Variants in CSMD1 observed in about 807,000 individuals in gnomAD.
CSMD1 encodes CUB and sushi domain-containing protein 1.
A neutral mutation model predicts 417.5 loss-of-function variants in CSMD1; 213 were observed. The ratio of observed to expected loss-of-function variants is 0.51; its 90% CI spans 0.46 to 0.57. The LOEUF is 0.57. CSMD1 is among the 20% of genes least tolerant of loss of function. CSMD1 has a pLI of 0.00. For missense variants in CSMD1, 6,923 were observed against 4,529.7 expected, an observed-to-expected ratio of 1.53 and a Z score of -15.17; for synonymous variants, 2,862 against 1,736.8, an observed-to-expected ratio of 1.65 and a Z score of -16.11.
intron 2 of CSMD1, among the ~76,000 whole-genome samples, chr8:4,479,648 C>T (rs780953542): frequency 6.6e-6 from 1 of 152,136 alleles, no homozygotes; most frequent in Admixed American, 6.5e-5. Flanking sequence ...GTAATCCCAG[C>T]ACTTTGGGAG....
chr8:3,514,992 T>G (rs928405175), intron 10 of CSMD1, among the ~76,000 whole-genome samples: 1 of 152,202 alleles, frequency 6.6e-6, no homozygotes, highest in Admixed American at 6.5e-5. Flanking sequence ...AAACAACATT[T>G]TATACTGAAA....
intron 3 of CSMD1, among the ~76,000 whole-genome samples, chr8:4,158,511 C>T (rs528327987): frequency 6.6e-6 from 1 of 152,122 alleles, no homozygotes; most frequent in South Asian, 2.1e-4. Flanking sequence ...ATTGGAAAAA[C>T]TCCCAAAGAA....
intron 1 of CSMD1, chr8:4,788,150 C>A: frequency 2.5e-6 from 4 of 1,600,030 alleles, no homozygotes; most frequent in Non-Finnish European, 3.4e-6. Flanking sequence ...ATCTTGGTCA[C>A]TGTGAAAAAA....
chr8:4,434,482 G>A (rs148050496), intron 2 of CSMD1, among the ~76,000 whole-genome samples: 1 of 152,126 alleles, frequency 6.6e-6, no homozygotes, highest in Non-Finnish European at 1.5e-5. Flanking sequence ...TCTAACAGAA[G>A]GAAAGAAACA....
chr8:3,360,038 G>C (rs34838780), intron 20 of CSMD1, among the ~76,000 whole-genome samples: 3,291 of 152,240 alleles, frequency 0.022, 47 homozygotes, highest in Middle Eastern at 0.068. Context: ...ACTAACGCAT[G>C]AAGCATAACA....
chr8:3,756,667 T>C (rs115774200), intron 5 of CSMD1, among the ~76,000 whole-genome samples: 2,395 of 152,332 alleles, frequency 0.016, 25 homozygotes, highest in South Asian at 0.029. Context: ...GATCAGCGAA[T>C]GTAGGAAGCT....
intron 30 of CSMD1, among the ~76,000 whole-genome samples, chr8:3,208,833 C>T (rs758193394): frequency 1.3e-5 from 2 of 152,156 alleles, no homozygotes; most frequent in Non-Finnish European, 2.9e-5. Flanking sequence ...ATGCTTCTTG[C>T]CCCTGAACGT....
chr8:4,593,353 A>C (rs944346594), intron 2 of CSMD1, among the ~76,000 whole-genome samples: 2 of 152,168 alleles, frequency 1.3e-5, no homozygotes, highest in African/African-American at 4.8e-5. Context: ...AATCCTTGTT[A>C]TTGTCATGAT....
At chr8:3,574,009 G>T (rs891037033) in intron 10 of CSMD1, among the ~76,000 whole-genome samples, 2 of 151,936 alleles carry the variant, frequency 1.3e-5, no homozygotes, top group African/African-American at 4.8e-5. Context: ...ATGATTATGA[G>T]TATGATTTCT....
intron 26 of CSMD1, among the ~76,000 whole-genome samples, chr8:3,244,609 C>A (rs1799760162): frequency 6.6e-6 from 1 of 152,114 alleles, no homozygotes; most frequent in African/African-American, 2.4e-5. Context: ...ACGTTGAACC[C>A]AAGGCAGGAC....
intron 5 of CSMD1, among the ~76,000 whole-genome samples, chr8:3,942,763 T>C (rs894789965): frequency 6.6e-6 from 1 of 152,230 alleles, no homozygotes; most frequent in Non-Finnish European, 1.5e-5. Flanking sequence ...TCTGTATTTA[T>C]TACTGGTTAT....
intron 3 of CSMD1, among the ~76,000 whole-genome samples, chr8:4,144,535 C>G (rs753152468): frequency 6.6e-6 from 1 of 151,068 alleles, no homozygotes; most frequent in Non-Finnish European, 1.5e-5. Context: ...CCCCTTCCCT[C>G]CAGAATCTGG....
chr8:4,673,740 G>A (rs906865426), intron 1 of CSMD1, among the ~76,000 whole-genome samples: 1 of 152,164 alleles, frequency 6.6e-6, no homozygotes, highest in Non-Finnish European at 1.5e-5. Flanking sequence ...ATAATGCTAA[G>A]TGTAAGAAGC....
intron 3 of CSMD1, among the ~76,000 whole-genome samples, chr8:4,218,223 T>G (rs1471141052): frequency 6.6e-6 from 1 of 152,204 alleles, no homozygotes; most frequent in East Asian, 1.9e-4. Context: ...CATTTCATTT[T>G]ATGAGTATCC....
chr8:4,727,584 C>T (rs1203937155), intron 1 of CSMD1, among the ~76,000 whole-genome samples: 1 of 152,098 alleles, frequency 6.6e-6, no homozygotes, highest in Non-Finnish European at 1.5e-5. Flanking sequence ...ATTTTCTTAC[C>T]TAACGTCTTC....
In CSMD1 at chr8:4,293,906, C is replaced by G. The variant is rs572945678; in HGVS notation, c.415+126047G>C. ...ATTTAAGGTTTGATAGAGGGATGTC[C>G]TATTAGTGTCTACTGTAGAGCTTTC... is the stretch of plus-strand genomic sequence containing the variant. On this transcript the variant is annotated intron_variant, in intron 3 of 69. Transcript: ENST00000635120. Among the ~76,000 whole-genome samples, 5 of 151,960 alleles carry G rather than the reference C, an allele frequency of 3.3e-5. No homozygotes were observed. The South Asian group carries it at 8.3e-4, about 25-fold the overall frequency.
At chr8:3,476,721 C>T (rs7010940) in intron 11 of CSMD1, among the ~76,000 whole-genome samples, 7,598 of 151,812 alleles carry the variant, frequency 0.05, 300 homozygotes, top group East Asian at 0.22. Context: ...AGTTCGAGAC[C>T]AGCCTGGCCA....
At chr8:3,293,216 C>G (rs1045836806) in intron 25 of CSMD1, among the ~76,000 whole-genome samples, 4 of 152,166 alleles carry the variant, frequency 2.6e-5, no homozygotes, top group Non-Finnish European at 5.9e-5. Flanking sequence ...GATGGGCTTC[C>G]TTTTGTGGGT....
At chr8:4,679,044 G>C (rs954104037) in intron 1 of CSMD1, among the ~76,000 whole-genome samples, 1 of 152,168 alleles carries the variant, frequency 6.6e-6, no homozygotes, top group African/African-American at 2.4e-5. Flanking sequence ...TGTTTGCCCA[G>C]ATCACAGTGA....
Sources: gnomAD v4.1 joint callset for allele counts (sites outside exome capture counted in the v4.1 genomes callset) on GRCh38, gnomAD v4.1.1 for gene constraint, MANE v1.5 for transcripts, NCBI Gene and HGNC (gene_info 2026-07-23, HGNC 2026-07-21) for gene names.